The following HKDC1 variants were observed in gnomAD, a reference collection of about 807,000 sequenced individuals.
HKDC1 encodes hexokinase HKDC1.
HKDC1 carries 66 observed loss-of-function variants against 96.6 expected under a neutral mutation model. That is an observed-to-expected ratio of 0.68 (90% CI 0.56 to 0.84). HKDC1 has a LOEUF of 0.84. HKDC1 is among the 40% of genes least tolerant of loss of function. The probability of loss-of-function intolerance (pLI) is 0.00; values close to 1 mark genes in which losing one functional copy is unlikely to be tolerated. For synonymous variants in HKDC1, 466 were observed against 473.1 expected, an observed-to-expected ratio of 0.98 and a Z score of 0.20; for missense variants, 1,211 against 1,208.1, an observed-to-expected ratio of 1.00 and a Z score of -0.04.
intron 13 of HKDC1, 42 bp downstream of exon 13, chr10:69,257,173 T>G: frequency 1.3e-6 from 2 of 1,561,762 alleles, no homozygotes; most frequent in Non-Finnish European, 1.8e-6. Flanking sequence ...CTTGCTGCCT[T>G]CCCCAGGCCC....
Position 69,266,373 on chromosome 10 carries a change from G to C in HKDC1, c.2607-237G>C, listed in dbSNP as rs576835119. The stretch of plus-strand genomic sequence containing the variant: ...TCCCAGCTACATGGGAGGCTGAGCT[G>C]GGGGGCTTGAGCCTGGGAACTCGAG... On this transcript the variant is annotated intron_variant, in intron 17 of 17. Coordinates refer to ENST00000354624, the MANE Select transcript of HKDC1 (RefSeq NM_025130.4). Among the ~76,000 whole-genome samples the C allele has an allele frequency of 2.0e-5, 3 of 152,176 alleles. No homozygotes were observed. The South Asian group carries it at 6.2e-4, about 32-fold the overall frequency.
At chr10:69,256,722 G>T (rs1181565900) in intron 12 of HKDC1, among the ~76,000 whole-genome samples, 1 of 151,796 alleles carries the variant, frequency 6.6e-6, no homozygotes, top group East Asian at 1.9e-4. Flanking sequence ...AAAAAAGAAA[G>T]AAAGAAAAAA....
chr10:69,231,550 C>T (rs1055307342), intron 2 of HKDC1, among the ~76,000 whole-genome samples: 1 of 152,204 alleles, frequency 6.6e-6, no homozygotes, highest in African/African-American at 2.4e-5. Flanking sequence ...TCTGTGTCCC[C>T]TCCCTGCAAA....
intron 5 of HKDC1, 135 bp downstream of exon 5, chr10:69,239,272 T>C: frequency 1.6e-6 from 1 of 615,686 alleles, no homozygotes; most frequent in Non-Finnish European, 2.9e-6. Context: ...GAATTGATCT[T>C]AGAAAAGGTC....
At position 69,248,646 on chromosome 10, in the gene HKDC1, G is replaced by A; in HGVS notation, c.1488G>A (p.Glu496=). 6.2e-7 allele frequency: 1 copy of A among 1,614,230 alleles called. No homozygotes were observed. Among genetic ancestry groups the A allele is most frequent in the South Asian group, 1.1e-5 (1 of 91,084 alleles). The change falls in exon 10 of 18, where the codon GAG becomes GAA. Residue 496 remains glutamate (E), a synonymous_variant. Coordinates refer to ENST00000354624, the MANE Select transcript of HKDC1 (RefSeq NM_025130.4). ...DVQAKMRAEL[E]YGLKKKSHGL... is the part of the protein sequence containing the mutation. ...AGGCCAAGATGCGGGCTGAGCTGGA[G>A]TATGGGCTGAAGAAGAAGAGCCACG...
intron 12 of HKDC1, among the ~76,000 whole-genome samples, chr10:69,253,965 CAG>C (rs1053595116): frequency 1.3e-5 from 2 of 152,148 alleles, no homozygotes; most frequent in African/African-American, 4.8e-5. Flanking sequence ...GCAGGTCAAC[CAG>C]AGAGCTCAGG....
chr10:69,264,195 TTCTG>T (rs1217323683), intron 16 of HKDC1, among the ~76,000 whole-genome samples: 4,099 of 112,342 alleles, frequency 0.036, 185 homozygotes, highest in African/African-American at 0.13. Context: ...ATAGATTTCC[TTCTG>T]TGTGTGTGTG....
Position 69,244,832 on chromosome 10 carries a change from T to A in HKDC1, c.876-1247T>A, listed in dbSNP as rs557932610. Among the ~76,000 whole-genome samples the A allele has an allele frequency of 6.9e-4, 104 of 151,566 alleles. No homozygotes were observed. In the South Asian group the frequency reaches 7.7e-3, roughly 11 times the overall value. The stretch of plus-strand genomic sequence containing the variant: ...CAGAGCAAGACCCTGTCTCAAAAAA[T>A]ATATATATATATTATATTCCCTGAC... On this transcript the variant is annotated intron_variant, in intron 7 of 17. Coordinates refer to ENST00000354624, the MANE Select transcript of HKDC1 (RefSeq NM_025130.4).
chr10:69,252,604 C>T (rs1428137050), intron 12 of HKDC1, among the ~76,000 whole-genome samples: 1 of 147,016 alleles, frequency 6.8e-6, no homozygotes, highest in Non-Finnish European at 1.5e-5. Context: ...GAGATCGTGC[C>T]ACTGCACTCC....
intron 16 of HKDC1, among the ~76,000 whole-genome samples, chr10:69,264,197 CTG>C (rs34401681): frequency 0.053 from 7,423 of 139,356 alleles, 535 homozygotes; most frequent in East Asian, 0.36. Flanking sequence ...AGATTTCCTT[CTG>C]TGTGTGTGTG....
At chr10:69,265,975 C>G (rs1410752483) in intron 17 of HKDC1, among the ~76,000 whole-genome samples, 157 bp downstream of exon 17, 1 of 152,204 alleles carries the variant, frequency 6.6e-6, no homozygotes, top group Non-Finnish European at 1.5e-5. Context: ...TTCAATCTGA[C>G]AGACAAGGTG....
chr10:69,256,873 T>C (rs1843723657), intron 12 of HKDC1, among the ~76,000 whole-genome samples, 163 bp from the exon 13 acceptor site: 1 of 152,210 alleles, frequency 6.6e-6, no homozygotes, highest in Non-Finnish European at 1.5e-5. Context: ...TGCTCTGTGA[T>C]GCTGCTGTGC....
At position 69,236,800 on chromosome 10, in the gene HKDC1, A is replaced by T. The variant is rs1001329301; in HGVS notation, c.496-2242A>T. Among the ~76,000 whole-genome samples, 4 of 151,902 alleles carry T rather than the reference A, an allele frequency of 2.6e-5. No homozygotes were observed. In the South Asian group the frequency reaches 6.2e-4, roughly 24 times the overall value. On this transcript the variant is annotated intron_variant, in intron 4 of 17. Coordinates refer to ENST00000354624, the MANE Select transcript of HKDC1 (RefSeq NM_025130.4). ...CGTTTCAAAAAAAAAAAAAAATTGT[A>T]TCAAGGAAGGGAAAAATGCTTTTTT... is the stretch of plus-strand genomic sequence containing the variant.
At chr10:69,248,320 C>A in intron 9 of HKDC1, 104 bp from the exon 10 acceptor site, 2 of 1,163,630 alleles carry the variant, frequency 1.7e-6, no homozygotes, top group Non-Finnish European at 1.2e-6. Context: ...GGCTGAGCCC[C>A]GCCCCGCAGG....
At chr10:69,227,455 G>C in intron 2 of HKDC1, 86 bp downstream of exon 2, 1 of 1,457,646 alleles carries the variant, frequency 6.9e-7, no homozygotes, top group Non-Finnish European at 9.4e-7. Flanking sequence ...CCTGTACCTT[G>C]GCTTCTCTCT....
rs1321797206 is a variant in HKDC1 at position 69,248,443 on chromosome 10, A to G, written c.1285A>G (p.Lys429Glu). The G allele has an allele frequency of 1.9e-6, 3 of 1,576,292 alleles. No homozygotes were observed. Among genetic ancestry groups the G allele is most frequent in the Non-Finnish European group, 2.6e-6 (3 of 1,157,796 alleles). The change falls in exon 10 of 18, where the codon AAG becomes GAG. Residue 429 changes from lysine to glutamate, a missense_variant. Lys to Glu is a moderately conservative substitution (Grantham distance 56, BLOSUM62 1). Transcript: ENST00000354624. ...IHPQYPKRLH[K>E]VVRKLVPSCD... ...CTTCAGGTACCCAAAACGCCTGCAC[A>G]AGGTGGTGAGGAAACTGGTCCCAAG...
chr10:69,243,470 T>A, intron 7 of HKDC1, 105 bp downstream of exon 7: 1 of 885,864 alleles, frequency 1.1e-6, no homozygotes, highest in Non-Finnish European at 1.6e-6. Context: ...TAGCTATCCA[T>A]CACAACTTTC....
chr10:69,250,160 A>C, intron 10 of HKDC1, 130 bp from the exon 11 acceptor site: 1 of 1,048,602 alleles, frequency 9.5e-7, no homozygotes, highest in Non-Finnish European at 1.4e-6. Context: ...GGTGGCCCCC[A>C]CGACCCTCTG....
intron 12 of HKDC1, among the ~76,000 whole-genome samples, chr10:69,256,018 G>A (rs1843712868): frequency 1.3e-5 from 2 of 151,758 alleles, no homozygotes; most frequent in African/African-American, 4.8e-5. Flanking sequence ...CAAACAAAAA[G>A]GAGAGAGGAA....
Sources: gnomAD v4.1 joint callset for allele counts (sites outside exome capture counted in the v4.1 genomes callset) on GRCh38, gnomAD v4.1.1 for gene constraint, MANE v1.5 for transcripts, NCBI Gene and HGNC (gene_info 2026-07-23, HGNC 2026-07-21) for gene names.